Variants in TMTC4 observed in about 807,000 individuals in gnomAD.
TMTC4 encodes protein O-mannosyl-transferase TMTC4.
In TMTC4, 65 loss-of-function variants were observed where a neutral mutation model predicts 86.0. That is an observed-to-expected ratio of 0.76 (90% confidence interval 0.62 to 0.93). TMTC4 has a LOEUF of 0.93. TMTC4 is among the 40% of genes least tolerant of loss of function. The pLI is 0.00. For missense variants in TMTC4, 866 were observed against 948.1 expected, an observed-to-expected ratio of 0.91 and a Z score of 1.14; for synonymous variants, 379 against 382.5, an observed-to-expected ratio of 0.99 and a Z score of 0.11.
At chr13:100,640,366 G>A (rs574534515) in intron 7 of TMTC4, among the ~76,000 whole-genome samples, 2 of 151,980 alleles carry the variant, frequency 1.3e-5, no homozygotes, top group African/African-American at 4.8e-5. Flanking sequence ...CTGTTTTAGA[G>A]CAAATTAAAA....
At chr13:100,633,046 C>T (rs1425592854) in intron 12 of TMTC4, among the ~76,000 whole-genome samples, 1 of 152,184 alleles carries the variant, frequency 6.6e-6, no homozygotes, top group Non-Finnish European at 1.5e-5. Flanking sequence ...GGCGCGGAGG[C>T]TCATGCCTGT....
intron 12 of TMTC4, among the ~76,000 whole-genome samples, chr13:100,634,186 T>C (rs1881859938): frequency 6.6e-6 from 1 of 150,682 alleles, no homozygotes; most frequent in African/African-American, 2.4e-5. Context: ...TGGTCATATA[T>C]ATGCAATATG....
intron 1 of TMTC4, chr13:100,674,425 G>C: frequency 1.1e-6 from 1 of 910,340 alleles, no homozygotes; most frequent in Non-Finnish European, 1.3e-6. Context: ...CGGCGCGGCT[G>C]TGCAGGCAGG....
rs535558291 is a variant in TMTC4 at position 100,614,989 on chromosome 13, G to A, written c.1837-559C>T. On this transcript the variant is annotated intron_variant, in intron 15 of 18. Coordinates refer to ENST00000342624, the MANE Select transcript of TMTC4 (RefSeq NM_032813.5). ...GTGTCTAAAGTAAATATAAAAACAG[G>A]AGCATATCAGACATACTTTGTAACT... 30 of 974,252 alleles carry A rather than the reference G, an allele frequency of 3.1e-5. No individual in the cohort carries two copies. The South Asian group carries it at 1.2e-3, about 40-fold the overall frequency. 60.4% of individuals were successfully genotyped at this position (974,252 alleles called of 1,614,324 possible). A position where few individuals can be genotyped will look rare whatever the true frequency, so the allele number is the denominator to read the frequency against.
At chr13:100,649,616 A>T (rs1243405941) in intron 6 of TMTC4, among the ~76,000 whole-genome samples, 1 of 152,134 alleles carries the variant, frequency 6.6e-6, no homozygotes. Context: ...TTTTCTTGCA[A>T]TTATGAGATG....
Position 100,637,923 on chromosome 13 carries a change from G to C in TMTC4, c.834+7C>G, listed in dbSNP as rs745943989. 1.2e-5 allele frequency: 19 copies of C among 1,606,034 alleles called. 1 individual carries two copies. The highest frequency in any genetic ancestry group is 1.2e-5 in the Non-Finnish European group (14 of 1,175,154). On this transcript the variant is annotated splice_region_variant and intron_variant, in intron 8 of 18. Coordinates refer to ENST00000342624, the MANE Select transcript of TMTC4 (RefSeq NM_032813.5). ...TGTCTGGGCTGGAGATAAAAGTACA[G>C]ACTCACCTCTAATGACTTGTCCTTA...
intron 3 of TMTC4, 41 bp downstream of exon 3, chr13:100,668,538 T>C (rs1263536826): frequency 4.8e-5 from 76 of 1,579,790 alleles, no homozygotes; most frequent in Non-Finnish European, 6.2e-5. Context: ...TGAGACACAG[T>C]TGGGCAGTTA....
At chr13:100,674,915 T>C (rs1887679843), upstream of TMTC4, 5 of 984,108 alleles carry the variant, frequency 5.1e-6, no homozygotes, top group African/African-American at 1.8e-5. Context: ...CCAGCACCAG[T>C]CTCGGCCCGC....
rs35563246 is a variant in TMTC4, at chr13:100,656,542, C to CTTTTTTTTTTTT, written c.553-86_553-75dup. The CTTTTTTTTTTTT allele has an allele frequency of 2.0e-3, 783 of 385,646 alleles. 25 individuals are homozygous for CTTTTTTTTTTTT. The highest frequency in any genetic ancestry group is 3.9e-3 in the South Asian group (124 of 31,548). The allele number at this position is 385,646 out of a possible 1,614,324, so 23.9% of individuals were successfully genotyped here. On this transcript the variant is annotated intron_variant, in intron 5 of 18. Transcript: ENST00000342624. ...GAAATCCTAAACTTAGGAGACATAACTTTTTTTTTTTTTTTTTTGCGACAG... is the reference window on the plus strand; with the variant it reads ...GAAATCCTAAACTTAGGAGACATAACTTTTTTTTTTTTTTTTTTTTTTTTTTTTTTGCGACAG...
At chr13:100,674,392 G>T (rs995297702) in intron 1 of TMTC4, 176 of 952,764 alleles carry the variant, frequency 1.8e-4, no homozygotes, top group Non-Finnish European at 2.1e-4. Context: ...CAGGCGCCGG[G>T]TGCGCCCGGG....
At chr13:100,634,732 G>A (rs747392177) in intron 12 of TMTC4, 73 bp downstream of exon 12, 36 of 1,538,214 alleles carry the variant, frequency 2.3e-5, no homozygotes, top group Non-Finnish European at 3.0e-5. Flanking sequence ...GACAGGAAAT[G>A]TTCTTATTCA....
rs3809371 is a variant in TMTC4 at position 100,637,624 on chromosome 13, C to G, written c.913G>C (p.Val305Leu). 6.0e-4 allele frequency: 968 copies of G among 1,614,174 alleles called. No individual in the cohort carries two copies. Among genetic ancestry groups the G allele is most frequent in the Non-Finnish European group, 7.7e-4 (914 of 1,180,036 alleles). ...CCCGTGCCCATGATCCTCCAGCGCA[C>G]GTAGAGCATCCCAGCCCCTCCAGAG... Reference protein sequence around the residue: ...LTSGGAGMLYVRWRIMGTGPP... With the variant: ...LTSGGAGMLYLRWRIMGTGPP... The change falls in exon 9 of 19, where the codon GTG becomes CTG. Residue 305 changes from valine (V) to leucine (L), a missense_variant. Val to Leu is a conservative substitution (Grantham distance 32, BLOSUM62 1). Transcript: ENST00000342624.
At position 100,624,086 on chromosome 13, in the gene TMTC4, G is replaced by A. The variant is rs1432416064; in HGVS notation, c.1836+1449C>T. ...TCATGCCTGTAATCCCAGCACTTTCGGAGGCTGAGGCGGGCGGATCACGAG... is the reference window on the plus strand; with the variant it reads ...TCATGCCTGTAATCCCAGCACTTTCAGAGGCTGAGGCGGGCGGATCACGAG... On this transcript the variant is annotated intron_variant, in intron 15 of 18. Coordinates refer to ENST00000342624, the MANE Select transcript of TMTC4 (RefSeq NM_032813.5). 1.5e-5 allele frequency: 3 copies of A among 196,186 alleles called. No individual in the cohort carries two copies. The South Asian group carries it at 2.4e-4, about 16-fold the overall frequency. 12.2% of individuals were successfully genotyped at this position (196,186 alleles called of 1,614,324 possible).
chr13:100,608,619 T>A (rs1877042526), intron 17 of TMTC4, among the ~76,000 whole-genome samples: 1 of 152,138 alleles, frequency 6.6e-6, no homozygotes, highest in South Asian at 2.1e-4. Context: ...GAACGCAGCA[T>A]CTGTGAGTAT....
At chr13:100,606,552 G>A in intron 17 of TMTC4, 125 bp from the exon 18 acceptor site, 1 of 744,654 alleles carries the variant, frequency 1.3e-6, no homozygotes, top group South Asian at 1.8e-5. Context: ...CATTCCTCCA[G>A]AAACACTCGG....
At position 100,604,819 on chromosome 13, in the gene TMTC4, G is replaced by T. The variant is rs947514901; in HGVS notation, c.*175C>A. 22 of 511,954 alleles carry T rather than the reference G, an allele frequency of 4.3e-5. No homozygotes were observed. Among genetic ancestry groups the T allele is most frequent in the African/African-American group, 2.4e-4 (12 of 50,234 alleles). 31.7% of individuals were successfully genotyped at this position (511,954 alleles called of 1,614,324 possible). A position where few individuals can be genotyped will look rare whatever the true frequency, so the allele number is the denominator to read the frequency against. ...CAATTTCAATGAAAAATCATATCAC[G>T]CATTCAAGAGTATATTGCTGGTGCT... On this transcript the variant is annotated 3_prime_UTR_variant, in exon 19 of 19. Coordinates refer to ENST00000342624, the MANE Select transcript of TMTC4 (RefSeq NM_032813.5).
intron 17 of TMTC4, among the ~76,000 whole-genome samples, chr13:100,609,252 C>T (rs1442556407): frequency 6.6e-6 from 1 of 152,130 alleles, no homozygotes. Flanking sequence ...TAGTATCTAG[C>T]TGGGATTTAG....
chr13:100,672,830 G>C (rs1887298492), intron 1 of TMTC4, among the ~76,000 whole-genome samples: 1 of 152,156 alleles, frequency 6.6e-6, no homozygotes, highest in Non-Finnish European at 1.5e-5. Context: ...AATAGGAAAG[G>C]ATGCTCTGTT....
At chr13:100,612,703 CA>C (rs1159035746) in intron 16 of TMTC4, among the ~76,000 whole-genome samples, 193 bp from the exon 17 acceptor site, 8 of 151,394 alleles carry the variant, frequency 5.3e-5, no homozygotes, top group African/African-American at 1.9e-4. Flanking sequence ...ACGACGTTAT[CA>C]GTGGCAAAGC....
Sources: gnomAD v4.1 joint callset for allele counts (sites outside exome capture counted in the v4.1 genomes callset) on GRCh38, gnomAD v4.1.1 for gene constraint, MANE v1.5 for transcripts, NCBI Gene and HGNC (gene_info 2026-07-23, HGNC 2026-07-21) for gene names.